GRIK4: variants seen among roughly 807,000 people sequenced by gnomAD.
GRIK4 encodes the protein glutamate receptor ionotropic, kainate 4.
Under a neutral mutation model 104.9 loss-of-function variants are expected in GRIK4, and 40 were observed. The ratio of observed to expected loss-of-function variants is 0.38; its 90% CI spans 0.30 to 0.50. GRIK4 has a LOEUF of 0.50. Ranked by LOEUF, GRIK4 falls within the 20% of genes least tolerant of loss-of-function variation. The probability of loss-of-function intolerance (pLI) is 0.93; values close to 1 mark genes in which losing one functional copy is unlikely to be tolerated. For synonymous variants in GRIK4, 485 were observed against 524.9 expected (o/e 0.92, Z 1.04); for missense variants, 1,047 against 1,308.1 (o/e 0.80, Z 3.08).
intron 6 of GRIK4, among the ~76,000 whole-genome samples, chr11:120,821,917 T>A (rs1423248279): frequency 6.6e-6 from 1 of 152,106 alleles, no homozygotes; most frequent in East Asian, 1.9e-4. Flanking sequence ...CATGAAGCAA[T>A]TAACACAGTA....
At chr11:120,858,392 T>C (rs1212170158) in intron 8 of GRIK4, 1 of 152,178 alleles carries the variant, frequency 6.6e-6, no homozygotes, top group Non-Finnish European at 1.5e-5. Context: ...TCTGAATAGA[T>C]GTAGAGTAGC....
chr11:120,941,759 G>A (rs956226235), intron 14 of GRIK4, among the ~76,000 whole-genome samples: 2 of 152,070 alleles, frequency 1.3e-5, no homozygotes, highest in Non-Finnish European at 1.5e-5. Flanking sequence ...AGCAACCACC[G>A]AAAGCTAGAG....
Position 120,905,423 on chromosome 11 carries a change from G to A in GRIK4, c.1406G>A (p.Gly469Glu). The change falls in exon 13 of 21, where the codon GGG becomes GAG. Residue 469 changes from glycine (G) to glutamate (E), a missense_variant. By Grantham distance (98) the Gly-to-Glu change is moderately conservative. Coordinates refer to ENST00000527524, the MANE Select transcript of GRIK4 (RefSeq NM_014619.5). This position sits in a 1 kb window ranked among gnomAD's most constrained non-coding sequence, Gnocchi z 5.1. The part of the protein sequence containing the change: ...LRFNYKIRLV[G>E]DGVYGVPEAN... ...TTCAACTACAAGATCCGCCTGGTTGGGGATGGCGTGTACGGCGTTCCCGAG... is the reference window on the plus strand; with the variant it reads ...TTCAACTACAAGATCCGCCTGGTTGAGGATGGCGTGTACGGCGTTCCCGAG... 6.2e-7 allele frequency: 1 copy of A among 1,613,952 alleles called. No individual in the cohort carries two copies. Among genetic ancestry groups the A allele is most frequent in the Non-Finnish European group, 8.5e-7 (1 of 1,179,894 alleles).
At chr11:120,522,483 G>A (rs969638723) in intron 1 of GRIK4, among the ~76,000 whole-genome samples, 2 of 152,018 alleles carry the variant, frequency 1.3e-5, no homozygotes, top group Admixed American at 6.6e-5. Context: ...CACCACACCC[G>A]GCTAATTTTT....
At chr11:120,797,907 G>A (rs1049722279) in intron 3 of GRIK4, among the ~76,000 whole-genome samples, 8 of 152,170 alleles carry the variant, frequency 5.3e-5, no homozygotes, top group Middle Eastern at 3.2e-3. Context: ...CAAGGTGTGT[G>A]CAGTGATGCT....
At chr11:120,626,352 G>A (rs754475741) in intron 1 of GRIK4, among the ~76,000 whole-genome samples, 18 of 152,126 alleles carry the variant, frequency 1.2e-4, no homozygotes, top group Non-Finnish European at 2.2e-4. Flanking sequence ...ATTTAGATGC[G>A]ACCTCAGAAA....
chr11:120,605,165 A>G (rs1353875347), intron 1 of GRIK4, among the ~76,000 whole-genome samples: 1 of 152,236 alleles, frequency 6.6e-6, no homozygotes, highest in Non-Finnish European at 1.5e-5. Context: ...AAAACTTTCC[A>G]AGTGATACTG....
rs1393900724 is a variant in GRIK4 at position 120,819,576 on chromosome 11, G to A, written c.346-179G>A. On this transcript the variant is annotated intron_variant, in intron 5 of 20. Coordinates refer to ENST00000527524, the MANE Select transcript of GRIK4 (RefSeq NM_014619.5). The surrounding 1 kb of genome is among the most constrained non-coding windows in gnomAD (Gnocchi z 4.3). ...GCTTCTTTGAAGCATCATCAGGGAT[G>A]TCATCGCTCGTCTTCCTCCCACGGA... Among the ~76,000 whole-genome samples the A allele has an allele frequency of 6.6e-6, 1 of 152,186 alleles. No homozygotes were observed. Among genetic ancestry groups the A allele is most frequent in the African/African-American group, 2.4e-5 (1 of 41,456 alleles).
At chr11:120,760,581 T>G (rs1312164587) in intron 3 of GRIK4, among the ~76,000 whole-genome samples, 1 of 152,094 alleles carries the variant, frequency 6.6e-6, no homozygotes, top group Non-Finnish European at 1.5e-5. Flanking sequence ...TTTCTCCTAA[T>G]GCTATCCCTC....
chr11:120,514,463 T>C (rs867316104), intron 1 of GRIK4, among the ~76,000 whole-genome samples: 4 of 152,190 alleles, frequency 2.6e-5, no homozygotes, highest in Non-Finnish European at 5.9e-5. Context: ...TCCAGTGCTG[T>C]TGGGCTCGTT....
intron 18 of GRIK4, among the ~76,000 whole-genome samples, chr11:120,964,647 T>TTTGTAA (rs1944351981): frequency 2.0e-5 from 3 of 152,164 alleles, no homozygotes; most frequent in African/African-American, 7.2e-5. Flanking sequence ...TATGGAGAGT[T>TTTGTAA]GGGGTAAGAT....
At chr11:120,789,611 C>T (rs532606646) in intron 3 of GRIK4, among the ~76,000 whole-genome samples, 15 of 152,248 alleles carry the variant, frequency 9.9e-5, no homozygotes, top group African/African-American at 3.1e-4. Flanking sequence ...CATCGCCTGT[C>T]GGAAGCCCTC....
At chr11:120,625,616 T>G (rs1255372001) in intron 1 of GRIK4, among the ~76,000 whole-genome samples, 1 of 151,872 alleles carries the variant, frequency 6.6e-6, no homozygotes. Context: ...TAGCTCATCT[T>G]TTCAGTGGAG....
chr11:120,876,417 A>C (rs891774384), intron 11 of GRIK4, among the ~76,000 whole-genome samples: 1 of 143,216 alleles, frequency 7.0e-6, no homozygotes, highest in Non-Finnish European at 1.5e-5. Context: ...CACCATTGTC[A>C]TCATTATCAC....
At chr11:120,683,850 C>T (rs970561005) in intron 3 of GRIK4, among the ~76,000 whole-genome samples, 2 of 152,190 alleles carry the variant, frequency 1.3e-5, no homozygotes, top group African/African-American at 2.4e-5. Flanking sequence ...TCTTGACAGA[C>T]CAGCAGGTTT....
intron 3 of GRIK4, among the ~76,000 whole-genome samples, chr11:120,750,533 A>AT (rs34144388): frequency 0.11 from 17,011 of 151,408 alleles, 1,226 homozygotes; most frequent in South Asian, 0.24. Flanking sequence ...TGCTTGGTTA[A>AT]TTTTTTTGTA....
chr11:120,649,540 A>G (rs149366602), intron 1 of GRIK4, among the ~76,000 whole-genome samples: 1 of 152,250 alleles, frequency 6.6e-6, no homozygotes, highest in Non-Finnish European at 1.5e-5. Flanking sequence ...CTTTGACCTG[A>G]GTACCGTCAC....
rs541480370 is a variant in GRIK4 at position 120,776,495 on chromosome 11, G to A, written c.83-26198G>A. ...GTCTGCTGCAGTCTTTGTCCTGAAG[G>A]CAGGAGATCACTGGATGCTCTCAGA... On this transcript the variant is annotated intron_variant, in intron 3 of 20. Transcript: ENST00000527524. 1.8e-3 allele frequency among the ~76,000 whole-genome samples: 269 copies of A among 152,332 alleles called. 3 individuals are homozygous for A. Among genetic ancestry groups the A allele is most frequent in the Non-Finnish European group, 3.1e-4 (21 of 68,024 alleles).
intron 1 of GRIK4, among the ~76,000 whole-genome samples, chr11:120,543,677 G>A (rs1301314825): frequency 2.6e-5 from 4 of 152,294 alleles, no homozygotes; most frequent in South Asian, 2.1e-4. Context: ...TTGAAATCAG[G>A]ATCTTGAAGA....
Sources: allele counts gnomAD v4.1 joint callset (sites outside exome capture counted in the v4.1 genomes callset), GRCh38; gene constraint gnomAD v4.1.1; non-coding constraint Gnocchi (gnomAD v3.1); transcripts MANE v1.5; gene names NCBI Gene and HGNC (gene_info 2026-07-23, HGNC 2026-07-21).